The following CATSPER3 variants were observed in gnomAD, a reference collection of about 807,000 sequenced individuals.
The protein encoded by CATSPER3 is cation channel sperm-associated protein 3.
CATSPER3 carries 23 observed loss-of-function variants against 36.6 expected under a neutral mutation model. The ratio of observed to expected loss-of-function variants is 0.63; its 90% CI spans 0.45 to 0.89. The LOEUF (loss-of-function observed/expected upper bound fraction) is 0.89, where lower values mean the gene tolerates loss of function less well. CATSPER3 is among the 40% of genes least tolerant of loss of function. The pLI, the probability that CATSPER3 is intolerant of heterozygous loss-of-function variation, is 0.00. For missense variants in CATSPER3, 474 were observed against 503.9 expected (o/e 0.94, Z 0.57); for synonymous variants, 172 against 184.1 (o/e 0.93, Z 0.53).
intron 3 of CATSPER3, among the ~76,000 whole-genome samples, chr5:135,000,051 T>TA (rs778050090): frequency 2.2e-4 from 34 of 152,212 alleles, no homozygotes; most frequent in Non-Finnish European, 4.3e-4. Context: ...GGATTTGTCA[T>TA]AAATAGCTCT....
At chr5:134,990,242 A>G (rs1042414729) in intron 2 of CATSPER3, among the ~76,000 whole-genome samples, 8 of 152,152 alleles carry the variant, frequency 5.3e-5, no homozygotes, top group Admixed American at 2.0e-4. Flanking sequence ...AGGTGGTCAG[A>G]ACACAGTTTG....
At chr5:135,007,912 C>T (rs375927963) in intron 3 of CATSPER3, 45 bp from the exon 4 acceptor site, 7 of 1,573,712 alleles carry the variant, frequency 4.4e-6, no homozygotes, top group African/African-American at 4.0e-5. Flanking sequence ...GGAGCCCACC[C>T]AGCTTGGTGG....
chr5:135,011,171 T>A (rs989480922), intron 7 of CATSPER3, among the ~76,000 whole-genome samples: 3 of 152,214 alleles, frequency 2.0e-5, no homozygotes, highest in Non-Finnish European at 2.9e-5. Context: ...CAATGAAAGC[T>A]GCTTGGAGGG....
intron 1 of CATSPER3, chr5:134,969,404 G>A (rs1490045206): frequency 6.1e-6 from 1 of 164,550 alleles, no homozygotes. Flanking sequence ...TCCCTGATTG[G>A]TATTGCTGTA....
chr5:134,968,333 C>G, intron 1 of CATSPER3: 1 of 479,554 alleles, frequency 2.1e-6, no homozygotes, highest in South Asian at 2.1e-5. Flanking sequence ...AGGCTTTTCT[C>G]TTTTTTTATA....
chr5:134,982,126 A>G (rs112564587), intron 2 of CATSPER3, among the ~76,000 whole-genome samples: 34 of 152,300 alleles, frequency 2.2e-4, no homozygotes, highest in African/African-American at 8.2e-4. Flanking sequence ...GTGAACTTGA[A>G]GACAGGTCAG....
At chr5:134,971,698 A>C (rs539896227) in intron 2 of CATSPER3, among the ~76,000 whole-genome samples, 8 of 152,338 alleles carry the variant, frequency 5.3e-5, no homozygotes, top group Non-Finnish European at 8.8e-5. Context: ...CTAGAGGAGC[A>C]GATGGTGTGA....
chr5:134,971,011 G>T (rs1016806345), intron 2 of CATSPER3, among the ~76,000 whole-genome samples: 3 of 151,738 alleles, frequency 2.0e-5, no homozygotes, highest in Non-Finnish European at 4.4e-5. Flanking sequence ...GTGCAGTGGC[G>T]CAATCTCGGC....
intron 3 of CATSPER3, among the ~76,000 whole-genome samples, chr5:134,999,746 G>A (rs1306544879): frequency 6.6e-6 from 1 of 152,110 alleles, no homozygotes; most frequent in African/African-American, 2.4e-5. Context: ...TGTGATTTTT[G>A]CACATTGATT....
At chr5:135,009,292 C>T (rs1332647152) in intron 5 of CATSPER3, 79 bp from the exon 6 acceptor site, 7 of 1,475,500 alleles carry the variant, frequency 4.7e-6, no homozygotes, top group Non-Finnish European at 5.7e-6. Context: ...AGCAGCGGTG[C>T]AAGACTGGGG....
intron 2 of CATSPER3, 45 bp downstream of exon 2, chr5:134,970,137 G>C: frequency 6.4e-7 from 1 of 1,571,012 alleles, no homozygotes; most frequent in Admixed American, 1.7e-5. Flanking sequence ...TTTAAAACAT[G>C]CTTTATTTCT....
intron 2 of CATSPER3, among the ~76,000 whole-genome samples, chr5:134,991,950 CTTGTCTACAAAAA>C (rs1751883903): frequency 6.6e-6 from 1 of 151,900 alleles, no homozygotes; most frequent in Non-Finnish European, 1.5e-5. Context: ...CTGATGGAAC[CTTGTCTACAAAAA>C]ATACAAAAAT....
intron 3 of CATSPER3, among the ~76,000 whole-genome samples, chr5:135,004,420 G>A (rs1289105334): frequency 3.9e-5 from 6 of 152,342 alleles, no homozygotes; most frequent in African/African-American, 1.2e-4. Context: ...ACCTTGCAGT[G>A]TGTCCTAAGA....
At chr5:134,976,376 G>A (rs940221187) in intron 2 of CATSPER3, among the ~76,000 whole-genome samples, 1 of 128,282 alleles carries the variant, frequency 7.8e-6, no homozygotes, top group Admixed American at 1.0e-4. Flanking sequence ...CCCAAGGTCT[G>A]TTCTATTGCC....
At chr5:134,982,378 A>G (rs545302583) in intron 2 of CATSPER3, among the ~76,000 whole-genome samples, 6 of 152,306 alleles carry the variant, frequency 3.9e-5, no homozygotes, top group Admixed American at 3.3e-4. Context: ...AGAAACATAA[A>G]AAGAGCCACA....
chr5:134,984,819 A>ATT (rs34859369), intron 2 of CATSPER3, among the ~76,000 whole-genome samples: 6,872 of 144,894 alleles, frequency 0.047, 350 homozygotes, highest in African/African-American at 0.13. Context: ...ACCTGCATGC[A>ATT]TTTTTTTTTT....
intron 3 of CATSPER3, among the ~76,000 whole-genome samples, chr5:134,997,685 A>T (rs1252654425): frequency 6.6e-6 from 1 of 152,046 alleles, no homozygotes; most frequent in South Asian, 2.1e-4. Context: ...TTTTCTCGGG[A>T]TGGTCCCTGA....
Position 134,968,080 on chromosome 5 carries a change from A to C in CATSPER3, c.89A>C (p.Lys30Thr). The C allele has an allele frequency of 6.2e-7, 1 of 1,604,924 alleles. No homozygotes were observed. The highest frequency in any genetic ancestry group is 8.5e-7 in the Non-Finnish European group (1 of 1,171,636). ...TTSVGFCPTF[K>T]KFKRNDDECR... ...TCGGTGGGATTTTGCCCAACATTCA[A>C]GAAATTTAAGTAAATATTATCTATC... Residue 30 changes from lysine to threonine, a missense_variant, in exon 1 of 8, where the codon AAG becomes ACG. Coordinates refer to ENST00000282611, the MANE Select transcript of CATSPER3 (RefSeq NM_178019.3).
chr5:135,011,215 T>C lies in CATSPER3; in HGVS notation c.1095-306T>C, dbSNP rs545048443. ...ATGGGAGAAACCAAAAAGGAAGGCATTGTTGGGGAATGCCCACTTTTGGCC... is the reference window on the plus strand; with the variant it reads ...ATGGGAGAAACCAAAAAGGAAGGCACTGTTGGGGAATGCCCACTTTTGGCC... On this transcript the variant is annotated intron_variant, in intron 7 of 7. Transcript: ENST00000282611. Among the ~76,000 whole-genome samples the C allele has an allele frequency of 6.9e-4, 105 of 152,334 alleles. 1 individual carries two copies. The highest frequency in any genetic ancestry group is 9.6e-4 in the Non-Finnish European group (65 of 68,030).
Sources: gnomAD v4.1 joint callset for allele counts (sites outside exome capture counted in the v4.1 genomes callset) on GRCh38, gnomAD v4.1.1 for gene constraint, MANE v1.5 for transcripts, NCBI Gene and HGNC (gene_info 2026-07-23, HGNC 2026-07-21) for gene names.